PSMG2: variants seen among roughly 807,000 people sequenced by gnomAD.
PSMG2 encodes the protein proteasome assembly chaperone 2, also known as CD40 ligand-activated specific transcript 3.
Under a neutral mutation model 31.5 loss-of-function variants are expected in PSMG2, and 21 were observed. The ratio of observed to expected loss-of-function variants is 0.67; its 90% CI spans 0.47 to 0.96. The LOEUF is 0.96. Among genes scored for constraint, PSMG2 ranks in the 40% least tolerant of loss-of-function variants. The pLI is 0.00. For missense variants in PSMG2, 318 were observed against 321.2 expected, an observed-to-expected ratio of 0.99 and a Z score of 0.08; for synonymous variants, 120 against 110.4, an observed-to-expected ratio of 1.09 and a Z score of -0.54.
intron 2 of PSMG2, 48 bp from the exon 3 acceptor site, chr18:12,712,654 T>TATAC: frequency 7.3e-7 from 1 of 1,361,016 alleles, no homozygotes; most frequent in Non-Finnish European, 1.0e-6. Context: ...AATTTCAACT[T>TATAC]GTATAACTTC....
At chr18:12,681,751 G>T (rs1036563319) in intron 1 of PSMG2, among the ~76,000 whole-genome samples, 4 of 151,970 alleles carry the variant, frequency 2.6e-5, no homozygotes, top group African/African-American at 7.3e-5. Context: ...TACTGGGGAG[G>T]TTATATATAA....
At chr18:12,678,946 A>C (rs561717528) in intron 1 of PSMG2, 1 of 152,254 alleles carries the variant, frequency 6.6e-6, no homozygotes, top group East Asian at 1.9e-4. Context: ...TCTCCAAGAA[A>C]AAAAAATAAA....
chr18:12,681,623 A>G (rs755080245), intron 1 of PSMG2, among the ~76,000 whole-genome samples: 2 of 152,154 alleles, frequency 1.3e-5, no homozygotes, highest in Non-Finnish European at 2.9e-5. Context: ...AAGAAATGCA[A>G]ATAAATGGAA....
At chr18:12,661,299 C>G in intron 1 of PSMG2, 1 of 868,926 alleles carries the variant, frequency 1.2e-6, no homozygotes. Context: ...CAAGAGTGAG[C>G]CTTCATCTCA....
intron 1 of PSMG2, among the ~76,000 whole-genome samples, chr18:12,666,436 G>GAT (rs1555640545): frequency 3.2e-5 from 4 of 126,624 alleles, no homozygotes; most frequent in African/African-American, 5.8e-5. Context: ...AAATTTTATG[G>GAT]TTTTTTTTTT....
upstream of PSMG2, chr18:12,699,234 C>A: frequency 7.1e-7 from 1 of 1,414,742 alleles, no homozygotes; most frequent in Middle Eastern, 1.8e-4. Flanking sequence ...TATGAGGAAA[C>A]TGCCAAATAA....
chr18:12,660,976 C>T (rs967813508), intron 1 of PSMG2, among the ~76,000 whole-genome samples: 1 of 149,882 alleles, frequency 6.7e-6, no homozygotes, highest in African/African-American at 2.5e-5. Context: ...AAGACTATAA[C>T]TTACTAACTT....
intron 1 of PSMG2, chr18:12,674,765 C>A: frequency 6.4e-7 from 1 of 1,558,852 alleles, no homozygotes; most frequent in Non-Finnish European, 8.7e-7. Flanking sequence ...TATGAGCAAT[C>A]AAGAGAAAAA....
chr18:12,706,555 A>G lies in PSMG2; in HGVS notation c.63A>G (p.Ala21=), dbSNP rs1256855980. ...DLAGFTLLMP[A]VSVGNVGQLA... ...CATATCTTTTATAATTTCAGCCAGC[A>G]GTATCTGTTGGAAATGTTGGCCAGC... is the stretch of plus-strand genomic sequence containing the variant. Residue 21 remains alanine (A), a synonymous_variant, in exon 2 of 7, where the codon GCA becomes GCG. Transcript: ENST00000317615. The G allele has an allele frequency of 3.1e-6, 5 of 1,613,532 alleles. No homozygotes were observed. The highest frequency in any genetic ancestry group is 3.3e-5 in the Admixed American group (2 of 59,868).
chr18:12,721,365 T>C (rs2040429377), intron 5 of PSMG2, among the ~76,000 whole-genome samples: 1 of 152,184 alleles, frequency 6.6e-6, no homozygotes, highest in East Asian at 1.9e-4. Flanking sequence ...CGCACTTTTT[T>C]TTAATTGTGG....
Position 12,720,515 on chromosome 18 carries a change from C to T in PSMG2, c.413C>T (p.Pro138Leu). 2 of 1,587,066 alleles carry T rather than the reference C, an allele frequency of 1.3e-6. No homozygotes were observed. Among genetic ancestry groups the T allele is most frequent in the Non-Finnish European group, 1.7e-6 (2 of 1,168,938 alleles). Residue 138 changes from proline (P) to leucine (L), a missense_variant, in exon 5 of 7, where the codon CCC becomes CTC. Coordinates refer to ENST00000317615, the MANE Select transcript of PSMG2 (RefSeq NM_020232.5). ...AACTATATGATTATTTCTAGTACTCCCTTCCGGTACCTACTTACACCTTCC... is the reference window on the plus strand; with the variant it reads ...AACTATATGATTATTTCTAGTACTCTCTTCCGGTACCTACTTACACCTTCC... ...QRNDLQLRST[P>L]FRYLLTPSMQ...
At chr18:12,676,087 G>C (rs1210385659) in intron 1 of PSMG2, among the ~76,000 whole-genome samples, 1 of 151,816 alleles carries the variant, frequency 6.6e-6, no homozygotes, top group Non-Finnish European at 1.5e-5. Context: ...TATCATAATG[G>C]ATCTTTGGTA....
intron 3 of PSMG2, among the ~76,000 whole-genome samples, chr18:12,717,514 A>G (rs1438558998): frequency 6.6e-6 from 1 of 152,232 alleles, no homozygotes; most frequent in Non-Finnish European, 1.5e-5. Flanking sequence ...GTAGGCTAGC[A>G]ATGGTCACCC....
chr18:12,703,066 C>G lies in PSMG2; in HGVS notation c.-42C>G. On this transcript the variant is annotated 5_prime_UTR_variant, in exon 1 of 7. Coordinates refer to ENST00000317615, the MANE Select transcript of PSMG2 (RefSeq NM_020232.5). ...CGCCTTCTTGCTGCCCTCGTTCTTG[C>G]CAGGGCCGCGGTTAGTCCCTGCTGG... The G allele has an allele frequency of 6.2e-7, 1 of 1,600,792 alleles. No individual in the cohort carries two copies. The highest frequency in any genetic ancestry group is 8.5e-7 in the Non-Finnish European group (1 of 1,173,774).
At chr18:12,710,273 C>T (rs577311392) in intron 2 of PSMG2, among the ~76,000 whole-genome samples, 1 of 152,268 alleles carries the variant, frequency 6.6e-6, no homozygotes, top group African/African-American at 2.4e-5. Flanking sequence ...CACCATTTAT[C>T]TACCCAAGCT....
At chr18:12,698,417 C>T (rs892404224), upstream of PSMG2, among the ~76,000 whole-genome samples, 4 of 152,098 alleles carry the variant, frequency 2.6e-5, no homozygotes, top group African/African-American at 7.2e-5. Context: ...GACCCACCTG[C>T]CTTGGCCTCC....
At chr18:12,690,645 C>T (rs1464221644) in intron 1 of PSMG2, among the ~76,000 whole-genome samples, 2 of 152,026 alleles carry the variant, frequency 1.3e-5, no homozygotes, top group African/African-American at 2.4e-5. Flanking sequence ...TTAGTAGAAA[C>T]GGGGTTTCAC....
chr18:12,720,788 A>T, intron 5 of PSMG2, 105 bp downstream of exon 5: 3 of 1,153,648 alleles, frequency 2.6e-6, no homozygotes, highest in South Asian at 1.8e-5. Flanking sequence ...TGACAGAGCA[A>T]GACTCTGTCT....
intron 2 of PSMG2, among the ~76,000 whole-genome samples, chr18:12,709,547 G>A (rs960584653): frequency 3.3e-5 from 5 of 150,546 alleles, no homozygotes; most frequent in African/African-American, 1.2e-4. Context: ...TGCCCAGGCT[G>A]TAGTGCAATG....
Sources: gnomAD v4.1 joint callset for allele counts (sites outside exome capture counted in the v4.1 genomes callset) on GRCh38, gnomAD v4.1.1 for gene constraint, MANE v1.5 for transcripts, NCBI Gene and HGNC (gene_info 2026-07-23, HGNC 2026-07-21) for gene names.